Variants in GRIK1 observed in about 807,000 individuals in gnomAD.
The protein encoded by GRIK1 is glutamate ionotropic receptor kainate type subunit 1.
Under a neutral mutation model 105.7 loss-of-function variants are expected in GRIK1, and 69 were observed. That is an observed-to-expected ratio of 0.65 (90% CI 0.54 to 0.80). The LOEUF is 0.80. Among genes scored for constraint, GRIK1 ranks in the 30% least tolerant of loss-of-function variants. The probability of loss-of-function intolerance (pLI) is 0.00; values close to 1 mark genes in which losing one functional copy is unlikely to be tolerated. For synonymous variants in GRIK1, 438 were observed against 431.3 expected (o/e 1.02, Z -0.19); for missense variants, 1,109 against 1,167.3 (o/e 0.95, Z 0.73).
At chr21:29,728,370 G>A (rs2064523286) in intron 1 of GRIK1, among the ~76,000 whole-genome samples, 1 of 152,154 alleles carries the variant, frequency 6.6e-6, no homozygotes, top group Admixed American at 6.6e-5. Flanking sequence ...CAGTGAATTG[G>A]TGAGAGGAAA....
chr21:29,693,851 A>T, intron 2 of GRIK1, 45 bp downstream of exon 2: 1 of 1,421,488 alleles, frequency 7.0e-7, no homozygotes, highest in Non-Finnish European at 9.9e-7. Flanking sequence ...CTTGGAGAGC[A>T]GACATATCAC....
intron 2 of GRIK1, among the ~76,000 whole-genome samples, chr21:29,691,050 C>A (rs1202453379): frequency 6.6e-6 from 1 of 152,092 alleles, no homozygotes; most frequent in Non-Finnish European, 1.5e-5. Context: ...TTGGCTCATG[C>A]CTGTAATCCC....
At chr21:29,789,822 A>G (rs1165392382) in intron 1 of GRIK1, among the ~76,000 whole-genome samples, 4 of 152,214 alleles carry the variant, frequency 2.6e-5, no homozygotes, top group African/African-American at 9.6e-5. Flanking sequence ...CTGTAGAGAA[A>G]CAAGAAAGGT....
At chr21:29,889,317 A>C (rs1402017075) in intron 1 of GRIK1, among the ~76,000 whole-genome samples, 1 of 152,154 alleles carries the variant, frequency 6.6e-6, no homozygotes, top group Admixed American at 6.6e-5. Flanking sequence ...TGGAGAACAT[A>C]TTTGTCCTTC....
chr21:29,782,874 T>C (rs2066161087), intron 1 of GRIK1, among the ~76,000 whole-genome samples: 3 of 152,232 alleles, frequency 2.0e-5, no homozygotes, highest in African/African-American at 7.2e-5. Flanking sequence ...ATGTAAACAA[T>C]GCTGCAATGA....
At chr21:29,540,970 ATTT>A (rs3054285) in intron 16 of GRIK1, among the ~76,000 whole-genome samples, 246 of 134,578 alleles carry the variant, frequency 1.8e-3, no homozygotes, top group East Asian at 0.012. Flanking sequence ...CTTGCACTTG[ATTT>A]TTTTTTTTTT....
At chr21:29,585,549 A>G (rs1046618104) in intron 12 of GRIK1, among the ~76,000 whole-genome samples, 3 of 152,176 alleles carry the variant, frequency 2.0e-5, no homozygotes, top group Admixed American at 1.3e-4. Flanking sequence ...CTGCCTAGAC[A>G]GAGCCTCAGA....
chr21:29,843,757 G>C (rs970860901), intron 1 of GRIK1, among the ~76,000 whole-genome samples: 6 of 151,330 alleles, frequency 4.0e-5, no homozygotes, highest in African/African-American at 1.5e-4. Context: ...TCATTTGTCA[G>C]AGTTGGGGAG....
At chr21:29,601,827 C>A (rs913237410) in intron 7 of GRIK1, among the ~76,000 whole-genome samples, 3 of 152,196 alleles carry the variant, frequency 2.0e-5, no homozygotes, top group Non-Finnish European at 2.9e-5. Context: ...GTCAGTCAAA[C>A]CTAATTATCT....
chr21:29,743,243 T>G (rs959463254), intron 1 of GRIK1, among the ~76,000 whole-genome samples: 3 of 152,158 alleles, frequency 2.0e-5, no homozygotes, highest in African/African-American at 7.2e-5. Flanking sequence ...TTTATAGAAT[T>G]CTTGCAACTT....
At chr21:29,768,276 T>C (rs1046714077) in intron 1 of GRIK1, among the ~76,000 whole-genome samples, 2 of 152,176 alleles carry the variant, frequency 1.3e-5, no homozygotes, top group African/African-American at 4.8e-5. Context: ...GTTGTTTTCA[T>C]CTCTGATCTG....
At chr21:29,814,015 A>T (rs1057221229) in intron 1 of GRIK1, among the ~76,000 whole-genome samples, 1 of 149,212 alleles carries the variant, frequency 6.7e-6, no homozygotes, top group East Asian at 2.0e-4. Context: ...CCCAGGTTCA[A>T]GTGATTCTCC....
At chr21:29,660,670 T>G (rs1185628651) in intron 4 of GRIK1, among the ~76,000 whole-genome samples, 1 of 152,238 alleles carries the variant, frequency 6.6e-6, no homozygotes, top group Non-Finnish European at 1.5e-5. Context: ...TATATGGTTT[T>G]TTATTACTGC....
At chr21:29,595,117 G>T (rs1026518768) in intron 9 of GRIK1, among the ~76,000 whole-genome samples, 4 of 152,064 alleles carry the variant, frequency 2.6e-5, no homozygotes, top group Admixed American at 1.3e-4. Context: ...TTACAATGTG[G>T]AACATGATGG....
intron 1 of GRIK1, among the ~76,000 whole-genome samples, chr21:29,905,325 G>A (rs2070571903): frequency 1.3e-5 from 2 of 152,038 alleles, no homozygotes; most frequent in South Asian, 4.1e-4. Context: ...AGATTCACCA[G>A]GAAGGAGGAA....
At chr21:29,710,848 T>C (rs2064033229) in intron 1 of GRIK1, among the ~76,000 whole-genome samples, 1 of 126,076 alleles carries the variant, frequency 7.9e-6, no homozygotes. Context: ...TCCTTTTCTC[T>C]CCCTCCCTCC....
rs1050179323 is a variant in GRIK1, at chr21:29,871,167, A to G, written c.118+68216T>C. 9.9e-5 allele frequency among the ~76,000 whole-genome samples: 15 copies of G among 152,274 alleles called. 3 individuals are homozygous for G. The highest frequency in any genetic ancestry group is 8.3e-4 in the South Asian group (4 of 4,818). On this transcript the variant is annotated intron_variant, in intron 1 of 17. Coordinates refer to ENST00000327783, the MANE Select transcript of GRIK1 (RefSeq NM_001330994.2). ...TGCATTCTTTCTCTTCTGTAACTAG[A>G]CACAAGCTTCCAGAGGGCAGGGATT...
chr21:29,804,353 T>TGG (rs1198424268), intron 1 of GRIK1, among the ~76,000 whole-genome samples: 2 of 152,112 alleles, frequency 1.3e-5, no homozygotes, highest in African/African-American at 4.8e-5. Context: ...GGCTTGAAAA[T>TGG]GCTTGCACCA....
intron 1 of GRIK1, among the ~76,000 whole-genome samples, chr21:29,848,780 T>TATA (rs1255846155): frequency 0.011 from 299 of 28,412 alleles, 3 homozygotes; most frequent in African/African-American, 0.031. Context: ...TATATATATA[T>TATA]TTTTTTTTTT....
Sources: gnomAD v4.1 joint callset for allele counts (sites outside exome capture counted in the v4.1 genomes callset) on GRCh38, gnomAD v4.1.1 for gene constraint, MANE v1.5 for transcripts, NCBI Gene and HGNC (gene_info 2026-07-23, HGNC 2026-07-21) for gene names.